The following C14orf180 variants were observed in gnomAD, a reference collection of about 807,000 sequenced individuals.
The protein encoded by C14orf180 is chromosome 14 open reading frame 180.
In C14orf180, 13 loss-of-function variants were observed where a neutral mutation model predicts 13.9. The observed-to-expected ratio is 0.94, with a 90% confidence interval of 0.61 to 1.49. The LOEUF (loss-of-function observed/expected upper bound fraction) is 1.49, where lower values mean the gene tolerates loss of function less well. C14orf180 is among the 40% of genes most tolerant of loss of function. The probability of loss-of-function intolerance (pLI) is 0.00; values close to 1 mark genes in which losing one functional copy is unlikely to be tolerated. For synonymous variants in C14orf180, 113 were observed against 106.3 expected, an observed-to-expected ratio of 1.06 and a Z score of -0.39; for missense variants, 238 against 232.0, an observed-to-expected ratio of 1.03 and a Z score of -0.17.
chr14:104,588,240 G>C, intron 3 of C14orf180, 34 bp from the exon 4 acceptor site: 1 of 1,613,652 alleles, frequency 6.2e-7, no homozygotes, highest in South Asian at 1.1e-5. Context: ...ACTGAGGCAG[G>C]TGCCCCCAGC....
intron 1 of C14orf180, among the ~76,000 whole-genome samples, chr14:104,584,721 C>T (rs550742487): frequency 6.6e-6 from 1 of 152,226 alleles, no homozygotes; most frequent in Non-Finnish European, 1.5e-5. Context: ...CCGCCACCCC[C>T]CTGGATGGCC....
intron 1 of C14orf180, among the ~76,000 whole-genome samples, chr14:104,582,846 C>G (rs1886483997): frequency 2.0e-5 from 3 of 152,300 alleles, no homozygotes; most frequent in African/African-American, 7.2e-5. Context: ...TATCTCCCAT[C>G]TGTCACGAGG....
At chr14:104,587,663 T>C in intron 2 of C14orf180, 86 bp from the exon 3 acceptor site, 1 of 1,403,460 alleles carries the variant, frequency 7.1e-7, no homozygotes, top group Non-Finnish European at 9.8e-7. Context: ...TCCAGGACGG[T>C]GCTGCTGGGC....
At chr14:104,583,545 C>A (rs1321708512) in intron 1 of C14orf180, among the ~76,000 whole-genome samples, 6 of 152,164 alleles carry the variant, frequency 3.9e-5, no homozygotes, top group Admixed American at 2.6e-4. Context: ...GATTAGGAGA[C>A]TTGCCTAAGG....
In C14orf180 at chr14:104,588,793, C is replaced by T. The variant is rs945338920; in HGVS notation, c.*10C>T. The stretch of plus-strand genomic sequence containing the variant: ...CCTCCTGCGGCTCTGACGGGCAGGA[C>T]GGGCAGGACGGGCAGGGCTTCCAGG... On this transcript the variant is annotated 3_prime_UTR_variant, in exon 5 of 5. Coordinates refer to ENST00000557649, the MANE Select transcript of C14orf180 (RefSeq NM_001008404.3). The T allele has an allele frequency of 3.7e-5, 56 of 1,528,292 alleles. No homozygotes were observed. The highest frequency in any genetic ancestry group is 1.7e-4 in the Middle Eastern group (1 of 5,822). The allele number at this position is 1,528,292 out of a possible 1,614,324, so 94.7% of individuals were successfully genotyped here.
Position 104,586,444 on chromosome 14 carries a change from C to A in C14orf180, c.14C>A (p.Ala5Glu). Residue 5 changes from alanine to glutamate, a missense_variant, in exon 2 of 5, where the codon GCA (alanine) becomes GAA (glutamate). Ala to Glu is a moderately radical substitution (Grantham distance 107, BLOSUM62 -1). Transcript: ENST00000557649. ...ATGTTCCAGTAAATGAGGACTGCAG[C>A]AGGAGCCGTGAGCCCTGACTCCCGG... MRTA[A>E]GAVSPDSRPE... 1 of 1,536,662 alleles carries A rather than the reference C, an allele frequency of 6.5e-7. No homozygotes were observed. Among genetic ancestry groups the A allele is most frequent in the Non-Finnish European group, 8.8e-7 (1 of 1,140,062 alleles).
chr14:104,580,826 TG>T (rs1001391812), intron 1 of C14orf180, among the ~76,000 whole-genome samples: 39 of 152,266 alleles, frequency 2.6e-4, no homozygotes, highest in Non-Finnish European at 4.4e-4. Flanking sequence ...AGGAAGGGCC[TG>T]GGGGGGTCCC....
At chr14:104,580,064 C>T (rs769779665) in intron 1 of C14orf180, 61 bp downstream of exon 1, 11 of 152,288 alleles carry the variant, frequency 7.2e-5, no homozygotes, top group Admixed American at 5.2e-4. Flanking sequence ...GATGCCAGAG[C>T]GGAGAGATTG....
intron 1 of C14orf180, 111 bp from the exon 2 acceptor site, chr14:104,586,304 G>C: frequency 1.5e-6 from 1 of 679,960 alleles, no homozygotes; most frequent in Non-Finnish European, 2.3e-6. Context: ...CCGGTCGCAA[G>C]CCCGGGAAGC....
In C14orf180 at chr14:104,588,801, ACGGGCAG is replaced by A. The variant is rs1216839890; in HGVS notation, c.*19_*25del. The A allele has an allele frequency of 3.4e-6, 4 of 1,183,718 alleles. No homozygotes were observed. In the South Asian group the frequency reaches 7.0e-5, roughly 21 times the overall value. The allele number at this position is 1,183,718 out of a possible 1,614,324, so 73.3% of individuals were successfully genotyped here. Reference sequence around the variant, plus strand: ...GGCTCTGACGGGCAGGACGGGCAGGACGGGCAGGGCTTCCAGGAGAGCTCAAGCACTC... The same window carrying A: ...GGCTCTGACGGGCAGGACGGGCAGGAGGCTTCCAGGAGAGCTCAAGCACTC... On this transcript the variant is annotated 3_prime_UTR_variant, in exon 5 of 5. Transcript: ENST00000557649.
intron 1 of C14orf180, among the ~76,000 whole-genome samples, chr14:104,580,909 G>A (rs1454761027): frequency 3.3e-5 from 5 of 152,214 alleles, no homozygotes; most frequent in East Asian, 1.9e-4. Context: ...GCCATCACCC[G>A]GTACTGCTGC....
At chr14:104,587,627 C>T (rs1279674530) in intron 2 of C14orf180, 122 bp from the exon 3 acceptor site, 8 of 1,009,018 alleles carry the variant, frequency 7.9e-6, no homozygotes, top group African/African-American at 1.7e-5. Context: ...CCCAGCATAG[C>T]GCACCAGCCA....
At position 104,589,204 on chromosome 14, in the gene C14orf180, G is replaced by A. The variant is rs1886760806; in HGVS notation, c.*421G>A. On this transcript the variant is annotated 3_prime_UTR_variant, in exon 5 of 5. Transcript: ENST00000557649. The surrounding 1 kb of genome is among the most constrained non-coding windows in gnomAD (Gnocchi z 4.9). ...CCCGTGTTCAAGGGGCTGCTCGGAG[G>A]AGGCAAACCCAGCCTTTTGCGATTA... The A allele has an allele frequency of 3.1e-6, 1 of 326,546 alleles. No homozygotes were observed. The highest frequency in any genetic ancestry group is 5.0e-5 in the Admixed American group (1 of 20,126). 20.2% of individuals were successfully genotyped at this position (326,546 alleles called of 1,614,324 possible).
chr14:104,580,691 C>G (rs2140452833), intron 1 of C14orf180, among the ~76,000 whole-genome samples: 1 of 152,210 alleles, frequency 6.6e-6, no homozygotes, highest in East Asian at 2.0e-4. Flanking sequence ...CAGAAGGAAT[C>G]CCTGTCCTGC....
rs1003048137 is a variant in C14orf180, at chr14:104,587,513, G to A, written c.112-236G>A. On this transcript the variant is annotated intron_variant, in intron 2 of 4. Transcript: ENST00000557649. ...TCAGTGGGGACTTGCGTGAAGAGAC[G>A]GGGTCAGGAGGGGCTCCTGTCTTGC... 7.2e-5 allele frequency among the ~76,000 whole-genome samples: 11 copies of A among 152,258 alleles called. No individual in the cohort carries two copies. The East Asian group carries it at 1.7e-3, about 24-fold the overall frequency.
intron 1 of C14orf180, among the ~76,000 whole-genome samples, chr14:104,586,183 C>T (rs894335701): frequency 1.3e-5 from 2 of 152,108 alleles, no homozygotes; most frequent in African/African-American, 2.4e-5. Flanking sequence ...TTATGAAGAC[C>T]GTGGCAGCAA....
In C14orf180 at chr14:104,588,922, A is replaced by G. The variant is rs1393491682; in HGVS notation, c.*139A>G. 1 of 1,443,518 alleles carries G rather than the reference A, an allele frequency of 6.9e-7. No homozygotes were observed. Among genetic ancestry groups the G allele is most frequent in the East Asian group, 2.6e-5 (1 of 38,950 alleles). 89.4% of individuals were successfully genotyped at this position (1,443,518 alleles called of 1,614,324 possible). A position where few individuals can be genotyped will look rare whatever the true frequency, so the allele number is the denominator to read the frequency against. On this transcript the variant is annotated 3_prime_UTR_variant, in exon 5 of 5. Transcript: ENST00000557649. ...GGCTGCTGCCTGAGGGCTAACTAGG[A>G]AAAGGGGGACCCCGTGGCGTGAGAT... is the stretch of plus-strand genomic sequence containing the variant.
chr14:104,580,693 C>T (rs1886404059), intron 1 of C14orf180, among the ~76,000 whole-genome samples: 1 of 152,096 alleles, frequency 6.6e-6, no homozygotes, highest in South Asian at 2.1e-4. Flanking sequence ...GAAGGAATCC[C>T]TGTCCTGCCC....
intron 2 of C14orf180, among the ~76,000 whole-genome samples, chr14:104,587,026 C>G (rs895165653): frequency 6.6e-6 from 1 of 152,192 alleles, no homozygotes; most frequent in African/African-American, 2.4e-5. Flanking sequence ...CGCGGGGCAG[C>G]CTCGCCAGAT....
Sources: gnomAD v4.1 joint callset for allele counts (sites outside exome capture counted in the v4.1 genomes callset) on GRCh38, gnomAD v4.1.1 for gene constraint, Gnocchi (gnomAD v3.1) non-coding constraint, MANE v1.5 for transcripts, NCBI Gene and HGNC (gene_info 2026-07-23, HGNC 2026-07-21) for gene names.